The following CLASP2 variants were observed in gnomAD, a reference collection of about 807,000 sequenced individuals.
CLASP2 encodes CLIP-associating protein 2.
Under a neutral mutation model 194.4 loss-of-function variants are expected in CLASP2, and 47 were observed. The ratio of observed to expected loss-of-function variants is 0.24; its 90% confidence interval spans 0.19 to 0.31. The LOEUF (loss-of-function observed/expected upper bound fraction) is 0.31. CLASP2 is among the 10% of genes least tolerant of loss of function. The pLI, the probability that CLASP2 is intolerant of heterozygous loss-of-function variation, is 1.00. For synonymous variants in CLASP2, 619 were observed against 633.5 expected, an observed-to-expected ratio of 0.98 and a Z score of 0.34; for missense variants, 1,445 against 1,823.6, an observed-to-expected ratio of 0.79 and a Z score of 3.78.
intron 34 of CLASP2, among the ~76,000 whole-genome samples, chr3:33,525,901 T>C (rs560645510): frequency 1.3e-5 from 2 of 152,302 alleles, no homozygotes; most frequent in South Asian, 2.1e-4. Context: ...TTAACGGCAC[T>C]GCACCTCCCT....
chr3:33,644,960 C>T (rs1267479222), intron 7 of CLASP2, 57 bp from the exon 8 acceptor site: 1 of 1,517,980 alleles, frequency 6.6e-7, no homozygotes, highest in Non-Finnish European at 8.9e-7. Context: ...TCCATTTTCC[C>T]TAAAGCTCAA....
chr3:33,684,272 A>AT, intron 6 of CLASP2, 87 bp downstream of exon 6: 1 of 700,996 alleles, frequency 1.4e-6, no homozygotes, highest in Non-Finnish European at 2.3e-6. Context: ...AAATAAATAA[A>AT]AAATACATTG....
chr3:33,587,617 T>C (rs748295272), intron 21 of CLASP2, among the ~76,000 whole-genome samples: 82 of 152,234 alleles, frequency 5.4e-4, no homozygotes, highest in Non-Finnish European at 8.8e-4. Context: ...TTCTAAATTA[T>C]TGTAAGGAAA....
chr3:33,595,881 G>A (rs2070192636), intron 19 of CLASP2, among the ~76,000 whole-genome samples: 1 of 151,940 alleles, frequency 6.6e-6, no homozygotes, highest in African/African-American at 2.4e-5. Flanking sequence ...TAGCAGTCAT[G>A]TACCTAACCC....
chr3:33,713,753 G>A (rs1220482987), intron 1 of CLASP2, among the ~76,000 whole-genome samples: 4 of 151,794 alleles, frequency 2.6e-5, no homozygotes, highest in African/African-American at 7.3e-5. Context: ...GCCCAATCAC[G>A]GCTCACTGCA....
chr3:33,660,134 A>C (rs2085044249), intron 7 of CLASP2, among the ~76,000 whole-genome samples: 1 of 152,212 alleles, frequency 6.6e-6, no homozygotes. Context: ...GAAAGAGAAA[A>C]GGATTTGCAA....
At position 33,717,820 on chromosome 3, in the gene CLASP2, C is replaced by G. The variant is rs1337484992; in HGVS notation, c.183G>C (p.Ser61=). The change falls in exon 1 of 39, where the codon TCG becomes TCC. Residue 61 remains serine, a synonymous_variant. Coordinates refer to ENST00000682230, the MANE Select transcript of CLASP2 (RefSeq NM_001365631.1). The stretch of plus-strand genomic sequence containing the variant: ...CGCCGTCGCTTACCCGGTAGTTGCT[C>G]GAACCCACCCAGCCGGTGAGCGCGT... ...TVDALTGWVG[S]SNYRVSLMGL... 12 of 1,558,406 alleles carry G rather than the reference C, an allele frequency of 7.7e-6. No homozygotes were observed. The highest frequency in any genetic ancestry group is 1.4e-5 in the African/African-American group (1 of 73,446).
chr3:33,696,823 T>C, intron 2 of CLASP2, 32 bp downstream of exon 2: 1 of 1,341,460 alleles, frequency 7.5e-7, no homozygotes, highest in Non-Finnish European at 1.0e-6. Context: ...TCAAATCTTA[T>C]TTAGAATTGT....
chr3:33,668,642 T>A (rs1415359573), intron 6 of CLASP2, among the ~76,000 whole-genome samples: 1 of 152,226 alleles, frequency 6.6e-6, no homozygotes, highest in Non-Finnish European at 1.5e-5. Flanking sequence ...TTCGAAATAC[T>A]ACCTATAAAA....
intron 7 of CLASP2, among the ~76,000 whole-genome samples, chr3:33,660,044 A>G (rs1231651170): frequency 2.6e-5 from 4 of 152,222 alleles, no homozygotes; most frequent in Non-Finnish European, 1.5e-5. Context: ...ATACTTTACT[A>G]ATGATTGCAT....
intron 6 of CLASP2, among the ~76,000 whole-genome samples, chr3:33,683,949 A>T (rs940880737): frequency 3.3e-5 from 5 of 151,068 alleles, no homozygotes; most frequent in African/African-American, 1.2e-4. Context: ...AAAAAAAAAA[A>T]AAAATTAAAA....
intron 23 of CLASP2, chr3:33,577,222 G>A (rs767531678): frequency 6.3e-7 from 1 of 1,597,872 alleles, no homozygotes; most frequent in Non-Finnish European, 8.5e-7. Flanking sequence ...ATACACTTCG[G>A]GGGCGTAGAG....
intron 6 of CLASP2, chr3:33,683,418 G>C (rs1406566239): frequency 6.6e-6 from 1 of 152,180 alleles, no homozygotes; most frequent in Non-Finnish European, 1.5e-5. Flanking sequence ...GACCAGCCTG[G>C]GCAACATGGT....
chr3:33,506,969 G>A (rs112053743), intron 37 of CLASP2, among the ~76,000 whole-genome samples: 14,238 of 142,514 alleles, frequency 0.1, 765 homozygotes, highest in Non-Finnish European at 0.12. Context: ...AAGGAGTTTC[G>A]CTCTTGTTGC....
At chr3:33,662,095 T>C (rs1421938926) in intron 7 of CLASP2, among the ~76,000 whole-genome samples, 2 of 152,206 alleles carry the variant, frequency 1.3e-5, no homozygotes, top group Non-Finnish European at 2.9e-5. Flanking sequence ...CGAACCTCCC[T>C]GTTTATGGAG....
At chr3:33,565,475 C>T (rs1301751790) in intron 27 of CLASP2, among the ~76,000 whole-genome samples, 1 of 152,112 alleles carries the variant, frequency 6.6e-6, no homozygotes, top group African/African-American at 2.4e-5. Flanking sequence ...GCCATCACAC[C>T]TGGCTAATAA....
At position 33,639,680 on chromosome 3, in the gene CLASP2, C is replaced by CGTACTGTATAATCAACGTTA. The variant is rs1248585965; in HGVS notation, c.862+5057_862+5076dup. On this transcript the variant is annotated intron_variant, in intron 8 of 38. Transcript: ENST00000682230. ...TTATATGTTATTTACTCAAATCATACGTACTGTATAATCAACGTTAGGAGA... is the reference window on the plus strand; with the variant it reads ...TTATATGTTATTTACTCAAATCATACGTACTGTATAATCAACGTTAGTACTGTATAATCAACGTTAGGAGA... Among the ~76,000 whole-genome samples the CGTACTGTATAATCAACGTTA allele has an allele frequency of 3.9e-5, 6 of 152,042 alleles. No homozygotes were observed. The East Asian group carries it at 1.2e-3, about 29-fold the overall frequency.
intron 29 of CLASP2, among the ~76,000 whole-genome samples, chr3:33,553,331 A>C (rs2060360405): frequency 6.6e-6 from 1 of 152,226 alleles, no homozygotes; most frequent in Non-Finnish European, 1.5e-5. Context: ...AGTCAACAAA[A>C]GCAAAAATAG....
At chr3:33,691,262 A>T (rs897995896) in intron 2 of CLASP2, among the ~76,000 whole-genome samples, 4 of 152,208 alleles carry the variant, frequency 2.6e-5, no homozygotes, top group Non-Finnish European at 4.4e-5. Context: ...AGTCTAGTTT[A>T]AACAAGGGAA....
Sources: allele counts gnomAD v4.1 joint callset (sites outside exome capture counted in the v4.1 genomes callset), GRCh38; gene constraint gnomAD v4.1.1; transcripts MANE v1.5; gene names NCBI Gene and HGNC (gene_info 2026-07-23, HGNC 2026-07-21).